MYO16: variants seen among roughly 807,000 people sequenced by gnomAD.
The protein encoded by MYO16 is myosin XVI, also known as unconventional myosin-XVI.
MYO16 carries 94 observed loss-of-function variants against 205.3 expected under a neutral mutation model. The observed-to-expected ratio is 0.46, with a 90% confidence interval of 0.39 to 0.54. The LOEUF is 0.54. Ranked by LOEUF, MYO16 falls within the 20% of genes least tolerant of loss-of-function variation. The pLI, the probability that MYO16 is intolerant of heterozygous loss-of-function variation, is 0.00. For missense variants in MYO16, 2,315 were observed against 2,387.5 expected, an observed-to-expected ratio of 0.97 and a Z score of 0.63; for synonymous variants, 988 against 954.0, an observed-to-expected ratio of 1.04 and a Z score of -0.66.
intron 20 of MYO16, among the ~76,000 whole-genome samples, chr13:108,981,409 A>G (rs757426155): frequency 2.0e-5 from 3 of 152,242 alleles, no homozygotes; most frequent in African/African-American, 2.4e-5. Flanking sequence ...TGTACAATAT[A>G]AGTTTGATGC....
At chr13:108,644,465 CCT>C (rs1442680444) in intron 1 of MYO16, among the ~76,000 whole-genome samples, 2 of 152,004 alleles carry the variant, frequency 1.3e-5, no homozygotes, top group Non-Finnish European at 2.9e-5. Context: ...AAACCTTAAT[CCT>C]CTTTAACTCT....
At position 108,844,359 on chromosome 13, in the gene MYO16, C is replaced by T; in HGVS notation, c.1114C>T (p.Pro372Ser). 1 of 1,612,140 alleles carries T rather than the reference C, an allele frequency of 6.2e-7. No individual in the cohort carries two copies. Among genetic ancestry groups the T allele is most frequent in the African/African-American group, 1.3e-5 (1 of 74,968 alleles). The change falls in exon 10 of 35, where the codon CCA becomes TCA. Residue 372 changes from proline (P) to serine (S), a missense_variant. Coordinates refer to ENST00000457511, the MANE Select transcript of MYO16 (RefSeq NM_001198950.3). ...LSSKLSPLVL[P>S]IAKQDSLLEK... The stretch of plus-strand genomic sequence containing the variant: ...TTCCTGTAGCAGTCCCCTGGTGTTA[C>T]CAATTGCCAAGCAAGACAGTTTGTT...
At chr13:108,692,325 G>A (rs1407782329) in intron 2 of MYO16, among the ~76,000 whole-genome samples, 1 of 152,164 alleles carries the variant, frequency 6.6e-6, no homozygotes, top group Non-Finnish European at 1.5e-5. Flanking sequence ...GTATTCATCA[G>A]TATAACCTAG....
chr13:108,890,588 A>G (rs1404765166), intron 14 of MYO16, among the ~76,000 whole-genome samples: 1 of 152,182 alleles, frequency 6.6e-6, no homozygotes, highest in Non-Finnish European at 1.5e-5. Flanking sequence ...CTGTCTTCTC[A>G]TCACAGTTAT....
chr13:108,901,034 C>A (rs963671182), intron 15 of MYO16, among the ~76,000 whole-genome samples: 1 of 152,154 alleles, frequency 6.6e-6, no homozygotes, highest in Non-Finnish European at 1.5e-5. Flanking sequence ...CCACAGCACT[C>A]CCAGGCTTAT....
At chr13:109,112,121 C>A in intron 28 of MYO16, among the ~76,000 whole-genome samples, 1 of 152,186 alleles carries the variant, frequency 6.6e-6, no homozygotes, top group Non-Finnish European at 1.5e-5. Flanking sequence ...CATTGGTTTT[C>A]TGCTTCAGGA....
At chr13:108,819,265 C>T (rs879943620) in intron 7 of MYO16, among the ~76,000 whole-genome samples, 1 of 152,176 alleles carries the variant, frequency 6.6e-6, no homozygotes, top group Non-Finnish European at 1.5e-5. Flanking sequence ...TTGTACAATA[C>T]TATTCCATGC....
chr13:108,963,057 C>T (rs866451545), intron 19 of MYO16, among the ~76,000 whole-genome samples: 5 of 152,198 alleles, frequency 3.3e-5, no homozygotes, highest in South Asian at 2.1e-4. Flanking sequence ...TAGAATCTAG[C>T]GCTGTCTGAC....
At chr13:109,134,708 G>A (rs1356720876) in intron 31 of MYO16, among the ~76,000 whole-genome samples, 1 of 152,134 alleles carries the variant, frequency 6.6e-6, no homozygotes, top group Non-Finnish European at 1.5e-5. Flanking sequence ...AGCAGTAGAT[G>A]CAGCATCGCT....
At chr13:108,742,922 AT>A (rs763187372) in intron 4 of MYO16, among the ~76,000 whole-genome samples, 15 of 152,250 alleles carry the variant, frequency 9.9e-5, no homozygotes, top group Non-Finnish European at 1.9e-4. Context: ...GCACTGCTCA[AT>A]TCTCACTTCT....
chr13:108,836,689 C>T (rs1594331979), intron 9 of MYO16, among the ~76,000 whole-genome samples: 3 of 152,266 alleles, frequency 2.0e-5, no homozygotes, highest in South Asian at 2.1e-4. Context: ...GGATGTGAGA[C>T]GTGGAGTCAA....
At position 108,785,742 on chromosome 13, in the gene MYO16, T is replaced by C; in HGVS notation, c.615T>C (p.Asn205=). Residue 205 remains asparagine (N), a splice_region_variant and synonymous_variant, in exon 5 of 35, where the codon AAT becomes AAC. Transcript: ENST00000457511. Reference sequence around the variant, plus strand: ...TCCTGTTGACCTATCTGGATGAAAATGGTAGGCAAAAACTTTTAAAACCAT... The same window carrying C: ...TCCTGTTGACCTATCTGGATGAAAACGGTAGGCAAAAACTTTTAAAACCAT... ...SSILLTYLDE[N]GVDLTSLRQM... The C allele has an allele frequency of 1.3e-6, 2 of 1,585,632 alleles. No homozygotes were observed. Among genetic ancestry groups the C allele is most frequent in the Non-Finnish European group, 1.7e-6 (2 of 1,162,016 alleles).
At chr13:108,683,678 T>A (rs1882555803) in intron 2 of MYO16, among the ~76,000 whole-genome samples, 1 of 152,190 alleles carries the variant, frequency 6.6e-6, no homozygotes. Context: ...AGAAAAAGAA[T>A]TACCTTCTTG....
chr13:108,987,101 C>G (rs891979084), intron 20 of MYO16, among the ~76,000 whole-genome samples: 3 of 152,192 alleles, frequency 2.0e-5, no homozygotes, highest in African/African-American at 7.2e-5. Flanking sequence ...ATGTTCCTCG[C>G]AAGGGGTCCG....
intron 1 of MYO16, among the ~76,000 whole-genome samples, chr13:108,608,781 T>A (rs918602977): frequency 6.6e-6 from 1 of 152,002 alleles, no homozygotes; most frequent in Non-Finnish European, 1.5e-5. Flanking sequence ...TAGCTAGAAT[T>A]ACAGGCATGC....
intron 20 of MYO16, among the ~76,000 whole-genome samples, chr13:108,970,377 A>G (rs973063564): frequency 1.3e-5 from 2 of 152,208 alleles, no homozygotes; most frequent in African/African-American, 4.8e-5. Context: ...TCTGACTCTG[A>G]GATAAAACTT....
In MYO16 at chr13:109,083,383, C is replaced by CAAA. The variant is rs71125367; in HGVS notation, c.3336-17368_3336-17366dup. ...GGGCAAAAAGAGGGAAACTCCGTCT[C>CAAA]AAAAAAAAAAAAAAAAAAAAAAAAA... On this transcript the variant is annotated intron_variant, in intron 27 of 34. Coordinates refer to ENST00000457511, the MANE Select transcript of MYO16 (RefSeq NM_001198950.3). Among the ~76,000 whole-genome samples the CAAA allele has an allele frequency of 1.3e-3, 66 of 52,298 alleles. 5 individuals carry two copies. The highest frequency in any genetic ancestry group is 1.6e-3 in the Non-Finnish European group (49 of 31,388). 34.3% of individuals were successfully genotyped at this position (52,298 alleles called of 152,430 possible).
At chr13:108,703,370 G>A (rs1262656968) in intron 2 of MYO16, among the ~76,000 whole-genome samples, 2 of 152,222 alleles carry the variant, frequency 1.3e-5, no homozygotes, top group East Asian at 3.9e-4. Context: ...CCATCATGAA[G>A]TCATACAAAT....
Position 108,923,875 on chromosome 13 carries a change from T to G in MYO16, c.1925+13725T>G, listed in dbSNP as rs78223447. On this transcript the variant is annotated intron_variant, in intron 16 of 34. Transcript: ENST00000457511. ...CATGAATTATTCTTAGATCAGCATTTTTTCCCAGCCAGCATTTGCATACTG... is the reference window on the plus strand; with the variant it reads ...CATGAATTATTCTTAGATCAGCATTGTTTCCCAGCCAGCATTTGCATACTG... Among the ~76,000 whole-genome samples, 1,269 of 152,322 alleles carry G rather than the reference T, an allele frequency of 8.3e-3. 15 individuals carry two copies. Among genetic ancestry groups the G allele is most frequent in the African/African-American group, 0.029 (1,214 of 41,562 alleles).
Sources: allele counts gnomAD v4.1 joint callset (sites outside exome capture counted in the v4.1 genomes callset), GRCh38; gene constraint gnomAD v4.1.1; transcripts MANE v1.5; gene names NCBI Gene and HGNC (gene_info 2026-07-23, HGNC 2026-07-21).